TFDP2: variants seen among roughly 807,000 people sequenced by gnomAD.
TFDP2 encodes the protein transcription factor Dp-2, also known as transcription factor Dp-2 (E2F dimerization partner 2).
TFDP2 carries 17 observed loss-of-function variants against 59.3 expected under a neutral mutation model. The ratio of observed to expected loss-of-function variants is 0.29; its 90% CI spans 0.20 to 0.43. The LOEUF (loss-of-function observed/expected upper bound fraction) is 0.43. TFDP2 is among the 20% of genes least tolerant of loss of function. The pLI, the probability that TFDP2 is intolerant of heterozygous loss-of-function variation, is 1.00. For missense variants in TFDP2, 391 were observed against 528.8 expected, an observed-to-expected ratio of 0.74 and a Z score of 2.56; for synonymous variants, 180 against 194.7, an observed-to-expected ratio of 0.92 and a Z score of 0.63.
intron 3 of TFDP2, among the ~76,000 whole-genome samples, chr3:142,052,309 G>A (rs956393299): frequency 8.6e-5 from 13 of 152,014 alleles, no homozygotes; most frequent in East Asian, 3.9e-4. Flanking sequence ...AGGCCAAGGC[G>A]GGCAGATCAC....
At chr3:141,980,869 C>G (rs963213140) in intron 6 of TFDP2, among the ~76,000 whole-genome samples, 1 of 151,998 alleles carries the variant, frequency 6.6e-6, no homozygotes, top group African/African-American at 2.4e-5. Context: ...AGTGTTACTA[C>G]ACGAGTAAAA....
intron 4 of TFDP2, among the ~76,000 whole-genome samples, chr3:142,001,318 TG>T (rs1397886195): frequency 2.3e-4 from 35 of 152,320 alleles, no homozygotes; most frequent in Non-Finnish European, 4.6e-4. Flanking sequence ...GAGCCACACC[TG>T]GAATGGCTAA....
At chr3:142,138,471 A>C (rs1332248549) in intron 1 of TFDP2, among the ~76,000 whole-genome samples, 1 of 152,098 alleles carries the variant, frequency 6.6e-6, no homozygotes, top group African/African-American at 2.4e-5. Flanking sequence ...TTAGGGTGTC[A>C]ATTTTAGATC....
At chr3:142,005,259 GA>G (rs1469157463) in intron 4 of TFDP2, among the ~76,000 whole-genome samples, 181 bp downstream of exon 4, 1 of 152,166 alleles carries the variant, frequency 6.6e-6, no homozygotes, top group Non-Finnish European at 1.5e-5. Context: ...GGCTGGTCTT[GA>G]ACTCCTGGGC....
intron 3 of TFDP2, among the ~76,000 whole-genome samples, chr3:142,078,751 T>C (rs754110359): frequency 1.1e-4 from 17 of 151,838 alleles, no homozygotes; most frequent in Non-Finnish European, 2.1e-4. Flanking sequence ...TCGATGAACA[T>C]CCACAAGCAC....
intron 3 of TFDP2, among the ~76,000 whole-genome samples, chr3:142,019,798 G>T (rs1576734103): frequency 1.3e-5 from 2 of 152,074 alleles, no homozygotes; most frequent in African/African-American, 4.8e-5. Flanking sequence ...ACTCCATGCT[G>T]ATATGAAATG....
Position 142,093,119 on chromosome 3 carries a change from C to T in TFDP2, c.24G>A (p.Leu8=). 1 of 1,539,902 alleles carries T rather than the reference C, an allele frequency of 6.5e-7. No individual in the cohort carries two copies. Among genetic ancestry groups the T allele is most frequent in the Middle Eastern group, 1.7e-4 (1 of 5,978 alleles). The part of the protein sequence containing the change: MTAKNVG[L]TSTNAEVRGF... ...CTCTTACTTCTGCATTTGTGGAAGT[C>T]AAACCAACCTGAATAAAACCGTTTA... Residue 8 remains leucine (L), a synonymous_variant, in exon 3 of 13, where the codon TTG becomes TTA. Coordinates refer to ENST00000489671, the MANE Select transcript of TFDP2 (RefSeq NM_001178139.2).
intron 1 of TFDP2, among the ~76,000 whole-genome samples, chr3:142,125,481 A>G (rs1173455246): frequency 2.6e-5 from 4 of 152,006 alleles, no homozygotes; most frequent in South Asian, 2.1e-4. Context: ...GTCATATGAA[A>G]TCATACACAT....
intron 3 of TFDP2, among the ~76,000 whole-genome samples, chr3:142,070,976 T>G (rs1168494553): frequency 6.6e-6 from 1 of 152,236 alleles, no homozygotes; most frequent in Admixed American, 6.5e-5. Context: ...TGTATAAATA[T>G]AGCAGGAGTG....
chr3:142,085,491 T>TA (rs1032234500), intron 3 of TFDP2, among the ~76,000 whole-genome samples: 1 of 152,086 alleles, frequency 6.6e-6, no homozygotes, highest in Admixed American at 6.6e-5. Flanking sequence ...AAGCTGCACA[T>TA]AAAAAATAAT....
At position 142,136,436 on chromosome 3, in the gene TFDP2, T is replaced by G. The variant is rs569416435; in HGVS notation, c.-93+12747A>C. Among the ~76,000 whole-genome samples, 8 of 152,138 alleles carry G rather than the reference T, an allele frequency of 5.3e-5. No individual in the cohort carries two copies. In the South Asian group the frequency reaches 1.7e-3, roughly 32 times the overall value. On this transcript the variant is annotated intron_variant, in intron 1 of 12. Transcript: ENST00000489671. ...AGCTCTTTAGTTTAATTAGATCCCA[T>G]TTGTCTATTTGGCTTTTGTTGCCAT...
At chr3:142,127,133 GACAT>G (rs886318522) in intron 1 of TFDP2, among the ~76,000 whole-genome samples, 1 of 147,540 alleles carries the variant, frequency 6.8e-6, no homozygotes, top group African/African-American at 2.5e-5. Context: ...TATCCCTAGA[GACAT>G]ACAGATATAT....
intron 1 of TFDP2, 94 bp from the exon 2 acceptor site, chr3:142,101,935 T>C (rs2061328792): frequency 2.3e-6 from 1 of 428,876 alleles, no homozygotes; most frequent in Non-Finnish European, 4.2e-6. Context: ...GTTATCTAAG[T>C]GAACTGTCTA....
intron 1 of TFDP2, among the ~76,000 whole-genome samples, chr3:142,144,397 G>T (rs926228045): frequency 3.3e-5 from 5 of 151,882 alleles, no homozygotes; most frequent in African/African-American, 1.2e-4. Context: ...GGCAGCAGGG[G>T]TGGAGGGGTT....
At chr3:142,019,544 G>A (rs1408933803) in intron 3 of TFDP2, among the ~76,000 whole-genome samples, 2 of 152,032 alleles carry the variant, frequency 1.3e-5, no homozygotes, top group African/African-American at 4.8e-5. Flanking sequence ...CTTTAAACAT[G>A]CTGCATTTTA....
At chr3:141,955,423 G>T (rs1463415165) in intron 11 of TFDP2, among the ~76,000 whole-genome samples, 1 of 152,192 alleles carries the variant, frequency 6.6e-6, no homozygotes, top group Non-Finnish European at 1.5e-5. Context: ...GATTTATTGA[G>T]TAAGCCCTTT....
intron 3 of TFDP2, among the ~76,000 whole-genome samples, chr3:142,022,290 G>T (rs1945676138): frequency 6.6e-6 from 1 of 152,192 alleles, no homozygotes; most frequent in Admixed American, 6.5e-5. Context: ...AAGTGCCTCA[G>T]ATGATTCTTA....
intron 3 of TFDP2, among the ~76,000 whole-genome samples, chr3:142,052,826 T>C (rs1209989324): frequency 2.6e-5 from 4 of 152,064 alleles, no homozygotes; most frequent in Non-Finnish European, 5.9e-5. Flanking sequence ...TTCTTTTTTT[T>C]TGAGATGGAG....
At chr3:142,014,276 G>C (rs1944950124) in intron 3 of TFDP2, among the ~76,000 whole-genome samples, 1 of 152,032 alleles carries the variant, frequency 6.6e-6, no homozygotes, top group Non-Finnish European at 1.5e-5. Context: ...CCAGTAAGCT[G>C]GAACAATTGG....
Sources: allele counts gnomAD v4.1 joint callset (sites outside exome capture counted in the v4.1 genomes callset), GRCh38; gene constraint gnomAD v4.1.1; transcripts MANE v1.5; gene names NCBI Gene and HGNC (gene_info 2026-07-23, HGNC 2026-07-21).